USP9X: variants seen among roughly 807,000 people sequenced by gnomAD.
The protein encoded by USP9X is ubiquitin specific peptidase 9 X-linked.
A neutral mutation model predicts 190.3 loss-of-function variants in USP9X; 7 were observed. That is an observed-to-expected ratio of 0.04 (90% CI 0.02 to 0.07). USP9X has a LOEUF of 0.07. USP9X is among the 10% of genes least tolerant of loss of function. USP9X has a pLI of 1.00. For synonymous variants in USP9X, 645 were observed against 659.5 expected, an observed-to-expected ratio of 0.98 and a Z score of 0.34; for missense variants, 1,010 against 1,916.9, an observed-to-expected ratio of 0.53 and a Z score of 8.83.
At chrX:41,130,042 T>C (rs1308525485) in intron 3 of USP9X, among the ~76,000 whole-genome samples, 1 of 111,613 alleles carries the variant, frequency 9.0e-6, no homozygotes, top group Non-Finnish European at 1.9e-5. Context: ...TACATACACA[T>C]ATTCCTGCCA....
At position 41,168,123 on chromosome X, in the gene USP9X, T is replaced by C; in HGVS notation, c.2541T>C (p.Ala847=). ...GTGTTAATTGTGCAAGACAGGAAGCTGTTCGAATGGTTCGAGTATTAACTG... is the reference window on the plus strand; with the variant it reads ...GTGTTAATTGTGCAAGACAGGAAGCCGTTCGAATGGTTCGAGTATTAACTG... The part of the protein sequence containing the change: ...KDSVNCARQE[A]VRMVRVLTVL... The change falls in exon 18 of 45, where the codon GCT becomes GCC. Residue 847 remains alanine (A), a synonymous_variant. Transcript: ENST00000378308. The C allele has an allele frequency of 8.3e-7, 1 of 1,211,410 alleles. No homozygotes were observed. Among genetic ancestry groups the C allele is most frequent in the Non-Finnish European group, 1.1e-6 (1 of 895,139 alleles).
intron 28 of USP9X, 25 bp from the exon 29 acceptor site, chrX:41,197,339 C>CA: frequency 1.6e-6 from 1 of 609,982 alleles, no homozygotes; most frequent in Non-Finnish European, 2.2e-6. Flanking sequence ...CTTCCCCCCC[C>CA]CACCCCACCC....
intron 1 of USP9X, among the ~76,000 whole-genome samples, chrX:41,108,029 C>A (rs770492450): frequency 8.9e-6 from 1 of 112,197 alleles, no homozygotes; most frequent in South Asian, 3.6e-4. Flanking sequence ...GGCACACATT[C>A]TTCTGTGCAT....
intron 1 of USP9X, among the ~76,000 whole-genome samples, chrX:41,116,303 T>C (rs774831418): frequency 5.3e-5 from 6 of 112,662 alleles, no homozygotes; most frequent in Non-Finnish European, 1.1e-4. Context: ...CTATGGAAAG[T>C]GATTGTTACT....
chrX:41,088,046 C>T (rs976592341), intron 1 of USP9X, among the ~76,000 whole-genome samples: 1 of 111,925 alleles, frequency 8.9e-6, no homozygotes, highest in Non-Finnish European at 1.9e-5. Flanking sequence ...TGCAGTGGCA[C>T]GATCTCGGCT....
chrX:41,104,227 G>T (rs1482094123), intron 1 of USP9X, among the ~76,000 whole-genome samples: 1 of 110,974 alleles, frequency 9.0e-6, no homozygotes, highest in Non-Finnish European at 1.9e-5. Context: ...CTACCACGCT[G>T]AGCTAATTTT....
chrX:41,114,544 G>A (rs1212277769), intron 1 of USP9X, among the ~76,000 whole-genome samples: 1 of 102,881 alleles, frequency 9.7e-6, no homozygotes, highest in African/African-American at 3.6e-5. Flanking sequence ...GCAGTGGTGC[G>A]ATCTTAGCTC....
intron 21 of USP9X, 121 bp from the exon 22 acceptor site, chrX:41,183,877 G>A (rs2062849667): frequency 1.2e-6 from 1 of 839,269 alleles, no homozygotes; most frequent in African/African-American, 2.2e-5. Flanking sequence ...TAGGAAGTTT[G>A]AGCCTATAGC....
At chrX:41,095,469 C>T (rs1468019964) in intron 1 of USP9X, among the ~76,000 whole-genome samples, 2 of 112,380 alleles carry the variant, frequency 1.8e-5, no homozygotes, top group African/African-American at 6.5e-5. Context: ...GGTATAGCCC[C>T]TACCCCACTC....
chrX:41,106,254 A>G (rs1336436597), intron 1 of USP9X, among the ~76,000 whole-genome samples: 4 of 111,336 alleles, frequency 3.6e-5, no homozygotes, highest in Non-Finnish European at 7.5e-5. Context: ...TAAGAGTTCT[A>G]TAGTTTTTTT....
At chrX:41,182,616 T>C (rs941031971) in intron 21 of USP9X, among the ~76,000 whole-genome samples, 2 of 110,706 alleles carry the variant, frequency 1.8e-5, no homozygotes, top group Non-Finnish European at 3.8e-5. Flanking sequence ...GTGAAAATTA[T>C]AAAAATTCAG....
At chrX:41,161,635 CTTTTTTTTTTTTTT>C (rs759623425) in intron 14 of USP9X, among the ~76,000 whole-genome samples, 1 of 47,425 alleles carries the variant, frequency 2.1e-5, no homozygotes, top group Non-Finnish European at 3.4e-5. Context: ...GGCGCCCTGC[CTTTTTTTTTTTTTT>C]TTTTTTTTTA....
intron 15 of USP9X, among the ~76,000 whole-genome samples, chrX:41,163,451 C>T (rs1299630488): frequency 9.0e-6 from 1 of 111,345 alleles, no homozygotes; most frequent in African/African-American, 3.3e-5. Context: ...TGCAAAGTGC[C>T]TTTGTTAAAA....
chrX:41,195,426 G>A (rs749981994), intron 26 of USP9X, among the ~76,000 whole-genome samples: 204 of 111,168 alleles, frequency 1.8e-3, no homozygotes, highest in African/African-American at 6.6e-3. Flanking sequence ...TGATTCAGGA[G>A]GTCTGCATTG....
rs1008842101 is a variant in USP9X, at chrX:41,206,725, GTCT to G, written c.5015+1237_5015+1239del. 8.2e-5 allele frequency among the ~76,000 whole-genome samples: 9 copies of G among 110,418 alleles called. No individual in the cohort carries two copies. The South Asian group carries it at 1.1e-3, about 14-fold the overall frequency. On this transcript the variant is annotated intron_variant, in intron 32 of 44. Transcript: ENST00000378308. ...CATGAGGAGTGACATTATAATGTCTGTCTTCTTATGATGTTAACAGCAATTTTT... is the reference window on the plus strand; with the variant it reads ...CATGAGGAGTGACATTATAATGTCTGTCTTATGATGTTAACAGCAATTTTT...
chrX:41,184,874 C>T (rs2062859926), intron 23 of USP9X, 199 bp downstream of exon 23: 1 of 369,677 alleles, frequency 2.7e-6, no homozygotes, highest in East Asian at 4.3e-5. Context: ...TAGTTTCTCC[C>T]TGCCCACTTA....
At chrX:41,229,212 A>G in intron 41 of USP9X, 41 bp from the exon 42 acceptor site, 2 of 1,079,605 alleles carry the variant, frequency 1.9e-6, no homozygotes, top group Non-Finnish European at 2.5e-6. Flanking sequence ...ATTAGCTATT[A>G]GATTTTAGAT....
chrX:41,096,627 A>G (rs2061993416), intron 1 of USP9X, among the ~76,000 whole-genome samples: 1 of 110,558 alleles, frequency 9.0e-6, no homozygotes, highest in Admixed American at 9.7e-5. Flanking sequence ...TTTTGTAGAG[A>G]TGGGATTTTA....
At chrX:41,216,678 TTAGTAA>T in intron 35 of USP9X, 26 bp downstream of exon 35, 1 of 1,167,611 alleles carries the variant, frequency 8.6e-7, no homozygotes, top group Non-Finnish European at 1.1e-6. Flanking sequence ...GTTTAGCTTC[TTAGTAA>T]TAAAGAATAA....
Sources: allele counts gnomAD v4.1 joint callset (sites outside exome capture counted in the v4.1 genomes callset), GRCh38; gene constraint gnomAD v4.1.1; transcripts MANE v1.5; gene names NCBI Gene and HGNC (gene_info 2026-07-23, HGNC 2026-07-21).